ZNF124: variants seen among roughly 807,000 people sequenced by gnomAD.
The protein encoded by ZNF124 is zinc finger protein HZF-16.
A neutral mutation model predicts 26.6 loss-of-function variants in ZNF124; 25 were observed. That is an observed-to-expected ratio of 0.94 (90% CI 0.68 to 1.31). The LOEUF (loss-of-function observed/expected upper bound fraction) is 1.31, where lower values mean the gene tolerates loss of function less well. ZNF124 is among the 40% of genes most tolerant of loss of function. ZNF124 has a pLI of 0.00. For synonymous variants in ZNF124, 129 were observed against 133.3 expected (o/e 0.97, Z 0.22); for missense variants, 444 against 422.2 (o/e 1.05, Z -0.45).
At chr1:247,148,390 C>T (rs1199272918) in intron 3 of ZNF124, among the ~76,000 whole-genome samples, 1 of 152,168 alleles carries the variant, frequency 6.6e-6, no homozygotes, top group Non-Finnish European at 1.5e-5. Flanking sequence ...CGCATCATCA[C>T]CCAAGCTGTC....
chr1:247,153,163 A>G (rs764401789), downstream of ZNF124, among the ~76,000 whole-genome samples: 16 of 152,056 alleles, frequency 1.1e-4, no homozygotes, highest in South Asian at 6.2e-4. Flanking sequence ...ATAAAATCCA[A>G]TACTCTGCAC....
Position 247,139,555 on chromosome 1 carries a change from A to G in ZNF124, c.219-15684T>C, listed in dbSNP as rs144747710. ...CCTGTCATGTTGTTAGCTGGTTATT[A>G]TGCTGACTTGTTTGTGTGGTTGCTT... On this transcript the variant is annotated intron_variant, in intron 3 of 3. Coordinates refer to the ZNF124 transcript ENST00000472531. Among the ~76,000 whole-genome samples the G allele has an allele frequency of 1.1e-3, 163 of 152,310 alleles. 2 individuals are homozygous for G. In the East Asian group the frequency reaches 0.024, roughly 22 times the overall value.
intron 3 of ZNF124, among the ~76,000 whole-genome samples, chr1:247,128,186 G>A (rs920476242): frequency 1.6e-4 from 25 of 152,120 alleles, no homozygotes; most frequent in Admixed American, 1.3e-3. Flanking sequence ...TCACTGAGCA[G>A]TGAGGAGCTG....
Position 247,155,712 on chromosome 1 carries a change from T to A in ZNF124, c.*854A>T, listed in dbSNP as rs1673089881. ...CCATCTCTACTAAAAATACAAAAAATTAGCTGGGCATGGTGGCAGGCACCT... is the reference window on the plus strand; with the variant it reads ...CCATCTCTACTAAAAATACAAAAAAATAGCTGGGCATGGTGGCAGGCACCT... On this transcript the variant is annotated 3_prime_UTR_variant, in exon 4 of 4. Coordinates refer to ENST00000543802, the MANE Select transcript of ZNF124 (RefSeq NM_001297568.2). 6.2e-6 allele frequency: 1 copy of A among 160,046 alleles called. No individual in the cohort carries two copies. The highest frequency in any genetic ancestry group is 2.4e-5 in the African/African-American group (1 of 41,550). The allele number at this position is 160,046 out of a possible 1,614,324, so 9.9% of individuals were successfully genotyped here.
At chr1:247,124,056 C>T (rs1672147731) in intron 3 of ZNF124, among the ~76,000 whole-genome samples, 1 of 151,788 alleles carries the variant, frequency 6.6e-6, no homozygotes, top group African/African-American at 2.4e-5. Flanking sequence ...TCTTGATCTC[C>T]TGACCTCATG....
chr1:247,169,410 GTTCT>G (rs1432771177), intron 1 of ZNF124, among the ~76,000 whole-genome samples: 1 of 152,188 alleles, frequency 6.6e-6, no homozygotes, highest in Non-Finnish European at 1.5e-5. Context: ...AAATTTTCTT[GTTCT>G]TTAAGGTTGT....
At chr1:247,151,453 T>C (rs1296290650), downstream of ZNF124, among the ~76,000 whole-genome samples, 2 of 139,822 alleles carry the variant, frequency 1.4e-5, no homozygotes, top group Non-Finnish European at 3.0e-5. Context: ...CACTCCAGCC[T>C]GGGTGACAGA....
chr1:247,148,690 G>A (rs550878137), intron 3 of ZNF124, among the ~76,000 whole-genome samples: 17 of 152,234 alleles, frequency 1.1e-4, no homozygotes, highest in Admixed American at 7.8e-4. Flanking sequence ...GCAGGGCACG[G>A]TGGCTCACGC....
downstream of ZNF124, among the ~76,000 whole-genome samples, chr1:247,152,697 A>G (rs1404704609): frequency 6.6e-6 from 1 of 152,186 alleles, no homozygotes; most frequent in Non-Finnish European, 1.5e-5. Context: ...CAGAAAAACA[A>G]TCACACCGTT....
chr1:247,125,605 C>A (rs932104544), intron 3 of ZNF124, among the ~76,000 whole-genome samples: 1 of 151,808 alleles, frequency 6.6e-6, no homozygotes, highest in African/African-American at 2.4e-5. Flanking sequence ...CTAAATTTTG[C>A]ATTTTTAGTA....
chr1:247,150,168 G>T (rs1284388362), downstream of ZNF124, among the ~76,000 whole-genome samples: 1 of 152,130 alleles, frequency 6.6e-6, no homozygotes, highest in African/African-American at 2.4e-5. Flanking sequence ...TACTGATTTT[G>T]TAACAATTAC....
downstream of ZNF124, among the ~76,000 whole-genome samples, chr1:247,151,719 G>A (rs1419916794): frequency 6.6e-6 from 1 of 151,246 alleles, no homozygotes; most frequent in Admixed American, 6.6e-5. Context: ...AATTTACATA[G>A]CAGCCCTGTT....
downstream of ZNF124, among the ~76,000 whole-genome samples, chr1:247,151,901 C>T (rs1672957030): frequency 1.3e-5 from 2 of 151,838 alleles, no homozygotes; most frequent in South Asian, 4.2e-4. Flanking sequence ...TACAAAAGGG[C>T]TCCTGCTGCA....
chr1:247,128,158 T>C (rs1052015407), intron 3 of ZNF124, among the ~76,000 whole-genome samples: 2 of 152,254 alleles, frequency 1.3e-5, no homozygotes, highest in Non-Finnish European at 2.9e-5. Context: ...TGCAGTATTG[T>C]AATTGTTTAT....
chr1:247,156,144 T>A lies in ZNF124; in HGVS notation c.*422A>T, dbSNP rs1224097338. The A allele has an allele frequency of 1.0e-6, 1 of 988,596 alleles. No homozygotes were observed. The highest frequency in any genetic ancestry group is 1.7e-5 in the African/African-American group (1 of 57,410). 61.2% of individuals were successfully genotyped at this position (988,596 alleles called of 1,614,324 possible). A position where few individuals can be genotyped will look rare whatever the true frequency, so the allele number is the denominator to read the frequency against. Reference sequence around the variant, plus strand: ...TCAGAATTTTCTGTATTTCTAGGATTTCAATCTGGTGGGCATTCTTTTATT... The same window carrying A: ...TCAGAATTTTCTGTATTTCTAGGATATCAATCTGGTGGGCATTCTTTTATT... On this transcript the variant is annotated 3_prime_UTR_variant, in exon 4 of 4. Coordinates refer to ENST00000543802, the MANE Select transcript of ZNF124 (RefSeq NM_001297568.2).
rs779471402 is a variant in ZNF124 at position 247,156,605 on chromosome 1, AGTT to A, written c.1014_1016del (p.Lys338_Thr339delinsAsn). ...ATTTATAGGGCTTTTCTCCAGTATG[AGTT>A]TTTTTATGCTTCCAAAGGGTACTAG... On this transcript the variant is annotated inframe_deletion, in exon 4 of 4. Transcript: ENST00000543802. 1.9e-6 allele frequency: 3 copies of A among 1,560,734 alleles called. No homozygotes were observed. The highest frequency in any genetic ancestry group is 2.6e-6 in the Non-Finnish European group (3 of 1,160,998).
intron 3 of ZNF124, among the ~76,000 whole-genome samples, chr1:247,125,623 G>T (rs1006259825): frequency 1.3e-5 from 2 of 151,258 alleles, no homozygotes; most frequent in African/African-American, 4.9e-5. Flanking sequence ...GTAGAGACGG[G>T]GTTTCACCAC....
rs115287331 is a variant in ZNF124 at position 247,148,680 on chromosome 1, G to C, written c.218+10326C>G. On this transcript the variant is annotated intron_variant, in intron 3 of 3. Transcript: ENST00000472531. ...AAGGTTAAGAAATCCCAGTGCTTTG[G>C]CAGGGCACGGTGGCTCACGCCTGTA... 3.5e-3 allele frequency among the ~76,000 whole-genome samples: 539 copies of C among 151,994 alleles called. 2 individuals are homozygous for C. Among genetic ancestry groups the C allele is most frequent in the Non-Finnish European group, 5.9e-3 (400 of 67,968 alleles).
At chr1:247,160,365 G>C (rs1328095558) in intron 1 of ZNF124, among the ~76,000 whole-genome samples, 1 of 152,148 alleles carries the variant, frequency 6.6e-6, no homozygotes, top group African/African-American at 2.4e-5. Flanking sequence ...GGTCCAGGGA[G>C]TAATATTTGC....
Sources: allele counts gnomAD v4.1 joint callset (sites outside exome capture counted in the v4.1 genomes callset), GRCh38; gene constraint gnomAD v4.1.1; transcripts MANE v1.5; gene names NCBI Gene and HGNC (gene_info 2026-07-23, HGNC 2026-07-21).